The following CADPS variants were observed in gnomAD, a reference collection of about 807,000 sequenced individuals.
CADPS encodes calcium dependent secretion activator.
CADPS carries 57 observed loss-of-function variants against 167.3 expected under a neutral mutation model. The observed-to-expected ratio is 0.34, with a 90% CI of 0.28 to 0.42. The LOEUF is 0.42. Ranked by LOEUF, CADPS falls within the 20% of genes least tolerant of loss-of-function variation. The probability of loss-of-function intolerance (pLI) is 1.00; values close to 1 mark genes in which losing one functional copy is unlikely to be tolerated. For missense variants in CADPS, 1,414 were observed against 1,738.1 expected (o/e 0.81, Z 3.32); for synonymous variants, 676 against 635.3 (o/e 1.06, Z -0.96).
intron 1 of CADPS, among the ~76,000 whole-genome samples, chr3:62,800,558 A>G (rs1208197796): frequency 6.6e-6 from 1 of 152,162 alleles, no homozygotes; most frequent in Non-Finnish European, 1.5e-5. Context: ...GTGAGTTAAC[A>G]TGACTTATTA....
chr3:62,477,229 C>T (rs1015502758), intron 23 of CADPS, among the ~76,000 whole-genome samples: 3 of 151,918 alleles, frequency 2.0e-5, no homozygotes, highest in African/African-American at 7.3e-5. Flanking sequence ...CAGACAAACC[C>T]GGCCCCCATC....
chr3:62,510,605 C>T (rs1027170386), intron 17 of CADPS, among the ~76,000 whole-genome samples: 3 of 152,078 alleles, frequency 2.0e-5, no homozygotes, highest in Non-Finnish European at 4.4e-5. Flanking sequence ...TGCCACCAAA[C>T]ATAAAGCATA....
At chr3:62,463,855 G>C (rs185796457) in intron 26 of CADPS, among the ~76,000 whole-genome samples, 5 of 152,104 alleles carry the variant, frequency 3.3e-5, no homozygotes, top group Non-Finnish European at 5.9e-5. Context: ...AGGGGCCATC[G>C]CACCTCTGGG....
intron 1 of CADPS, among the ~76,000 whole-genome samples, chr3:62,776,521 G>A (rs1220214885): frequency 2.0e-5 from 3 of 152,182 alleles, no homozygotes; most frequent in African/African-American, 7.2e-5. Flanking sequence ...GGGCATGGTG[G>A]CGGGCGCCTG....
chr3:62,445,475 A>G (rs1470519604), intron 27 of CADPS, among the ~76,000 whole-genome samples: 1 of 152,188 alleles, frequency 6.6e-6, no homozygotes, highest in African/African-American at 2.4e-5. Context: ...TGAAAACAGA[A>G]TGAAACAACA....
At chr3:62,685,559 G>C (rs1238008976) in intron 3 of CADPS, among the ~76,000 whole-genome samples, 1 of 151,774 alleles carries the variant, frequency 6.6e-6, no homozygotes, top group African/African-American at 2.4e-5. Context: ...AAGTGGTGGA[G>C]TCAAGAAAAA....
At chr3:62,629,031 C>G (rs943211694) in intron 6 of CADPS, among the ~76,000 whole-genome samples, 1 of 152,098 alleles carries the variant, frequency 6.6e-6, no homozygotes, top group Non-Finnish European at 1.5e-5. Flanking sequence ...ATAGGCCCCC[C>G]ACTTCTCTCC....
intron 6 of CADPS, among the ~76,000 whole-genome samples, chr3:62,595,700 T>C (rs2058812199): frequency 6.6e-6 from 1 of 152,220 alleles, no homozygotes; most frequent in South Asian, 2.1e-4. Flanking sequence ...TGATGGTTAA[T>C]ACTGAGTGTC....
At chr3:62,715,373 C>CTATCTATCTATCTAT (rs1554105668) in intron 3 of CADPS, among the ~76,000 whole-genome samples, 198 of 134,606 alleles carry the variant, frequency 1.5e-3, no homozygotes, top group East Asian at 3.6e-3. Context: ...TATCTATCTA[C>CTATCTATCTATCTAT]CTATCTATCT....
At chr3:62,744,764 A>C (rs1357470943) in intron 3 of CADPS, among the ~76,000 whole-genome samples, 1 of 152,236 alleles carries the variant, frequency 6.6e-6, no homozygotes, top group Non-Finnish European at 1.5e-5. Context: ...CAACAAAGGA[A>C]AGAGATTGCT....
At chr3:62,851,651 G>A (rs931299024) in intron 1 of CADPS, among the ~76,000 whole-genome samples, 1 of 142,804 alleles carries the variant, frequency 7.0e-6, no homozygotes, top group African/African-American at 2.6e-5. Flanking sequence ...TCCGCTGTTA[G>A]TCTGATGGGC....
At chr3:62,442,218 T>C (rs2056439065) in intron 27 of CADPS, among the ~76,000 whole-genome samples, 1 of 151,172 alleles carries the variant, frequency 6.6e-6, no homozygotes, top group Admixed American at 6.6e-5. Context: ...ACTGACTCTT[T>C]TTTTTTTTTT....
intron 24 of CADPS, among the ~76,000 whole-genome samples, chr3:62,471,859 G>A (rs1345158757): frequency 6.6e-6 from 1 of 152,120 alleles, no homozygotes; most frequent in Non-Finnish European, 1.5e-5. Context: ...CAGAATGGGA[G>A]AAAATAGTTG....
At chr3:62,731,426 T>A (rs1038538662) in intron 3 of CADPS, among the ~76,000 whole-genome samples, 1 of 152,114 alleles carries the variant, frequency 6.6e-6, no homozygotes, top group African/African-American at 2.4e-5. Context: ...AAATCTCAAA[T>A]TCAGTATCAT....
Position 62,453,849 on chromosome 3 carries a change from C to T in CADPS, c.3637-8052G>A, listed in dbSNP as rs568655845. Reference sequence around the variant, plus strand: ...CTTCTTTGCTTACCGAACGTCAGTACTGTGCTGGGCCAGTTGGGAGGCACT... The same window carrying T: ...CTTCTTTGCTTACCGAACGTCAGTATTGTGCTGGGCCAGTTGGGAGGCACT... On this transcript the variant is annotated intron_variant, in intron 26 of 29. Coordinates refer to ENST00000383710, the MANE Select transcript of CADPS (RefSeq NM_003716.4). Among the ~76,000 whole-genome samples the T allele has an allele frequency of 9.8e-5, 15 of 152,324 alleles. 1 individual carries two copies. In the South Asian group the frequency reaches 3.1e-3, roughly 32 times the overall value.
chr3:62,620,167 A>C (rs2062951493), intron 6 of CADPS, among the ~76,000 whole-genome samples: 1 of 152,048 alleles, frequency 6.6e-6, no homozygotes, highest in South Asian at 2.1e-4. Flanking sequence ...AATTAGACAG[A>C]GCCAGCTTTT....
intron 13 of CADPS, among the ~76,000 whole-genome samples, chr3:62,529,666 T>C (rs1187093313): frequency 6.6e-6 from 1 of 152,230 alleles, no homozygotes; most frequent in African/African-American, 2.4e-5. Flanking sequence ...CCTTCCCTAT[T>C]GGACCCGCAT....
At chr3:62,406,016 A>G (rs552701364) in intron 28 of CADPS, among the ~76,000 whole-genome samples, 12 of 152,318 alleles carry the variant, frequency 7.9e-5, no homozygotes, top group South Asian at 4.1e-4. Context: ...TGACTTGCCA[A>G]TGTCACACAG....
chr3:62,766,679 G>A (rs868122843), intron 1 of CADPS, among the ~76,000 whole-genome samples: 1 of 152,240 alleles, frequency 6.6e-6, no homozygotes, highest in Middle Eastern at 3.4e-3. Context: ...ACAATTCCTT[G>A]CCTATCAATC....
Sources: gnomAD v4.1 joint callset for allele counts (sites outside exome capture counted in the v4.1 genomes callset) on GRCh38, gnomAD v4.1.1 for gene constraint, MANE v1.5 for transcripts, NCBI Gene and HGNC (gene_info 2026-07-23, HGNC 2026-07-21) for gene names.